Variants in DZIP3 observed in about 807,000 individuals in gnomAD.
The protein encoded by DZIP3 is E3 ubiquitin-protein ligase DZIP3.
Under a neutral mutation model 162.0 loss-of-function variants are expected in DZIP3, and 118 were observed. That is an observed-to-expected ratio of 0.73 (90% CI 0.63 to 0.85). The LOEUF (loss-of-function observed/expected upper bound fraction) is 0.85, where lower values mean the gene tolerates loss of function less well. Among genes scored for constraint, DZIP3 ranks in the 40% least tolerant of loss-of-function variants. The pLI is 0.00. For synonymous variants in DZIP3, 438 were observed against 458.6 expected, an observed-to-expected ratio of 0.96 and a Z score of 0.57; for missense variants, 1,331 against 1,407.0, an observed-to-expected ratio of 0.95 and a Z score of 0.86.
chr3:108,661,958 C>T lies in DZIP3; in HGVS notation c.2281C>T (p.His761Tyr), dbSNP rs766591512. The T allele has an allele frequency of 6.2e-7, 1 of 1,613,728 alleles. No individual in the cohort carries two copies. Among genetic ancestry groups the T allele is most frequent in the Admixed American group, 1.7e-5 (1 of 59,998 alleles). ...TCGTCAAAGGCAGCTTTATAAATTGCACTATCAGTGTGAAGTAAGTATTTT... is the reference window on the plus strand; with the variant it reads ...TCGTCAAAGGCAGCTTTATAAATTGTACTATCAGTGTGAAGTAAGTATTTT... Reference protein sequence around the residue: ...LARQRQLYKLHYQCEDFKRQL... With the variant: ...LARQRQLYKLYYQCEDFKRQL... The change falls in exon 20 of 33, where the codon CAC (histidine) becomes TAC (tyrosine). Residue 761 changes from histidine (H) to tyrosine (Y), a missense_variant. Physicochemically the swap from His to Tyr is moderately conservative, Grantham distance 83 (BLOSUM62 2). Transcript: ENST00000361582.
In DZIP3 at chr3:108,640,001, G is replaced by C. The variant is rs573851782; in HGVS notation, c.1065-2437G>C. Reference sequence around the variant, plus strand: ...TGTATTTTAAATGTTTTCTAGTTTTGTGTGTGTGTGTATGTTTTAACCATG... The same window carrying C: ...TGTATTTTAAATGTTTTCTAGTTTTCTGTGTGTGTGTATGTTTTAACCATG... On this transcript the variant is annotated intron_variant, in intron 12 of 32. Coordinates refer to ENST00000361582, the MANE Select transcript of DZIP3 (RefSeq NM_014648.4). Among the ~76,000 whole-genome samples the C allele has an allele frequency of 9.9e-5, 15 of 151,762 alleles. No homozygotes were observed. The East Asian group carries it at 1.7e-3, about 18-fold the overall frequency.
intron 16 of DZIP3, 153 bp downstream of exon 16, chr3:108,648,265 G>C: frequency 1.6e-6 from 1 of 619,568 alleles, no homozygotes; most frequent in Non-Finnish European, 2.5e-6. Flanking sequence ...TTCCTTCCTT[G>C]CCTCAGTACT....
intron 19 of DZIP3, among the ~76,000 whole-genome samples, chr3:108,659,834 T>C (rs1457752306): frequency 6.6e-6 from 1 of 152,156 alleles, no homozygotes; most frequent in Non-Finnish European, 1.5e-5. Context: ...AGCATTCTTA[T>C]ACACCAATAA....
chr3:108,638,425 C>T (rs1462291064), intron 12 of DZIP3, among the ~76,000 whole-genome samples: 3 of 152,150 alleles, frequency 2.0e-5, no homozygotes, highest in Non-Finnish European at 4.4e-5. Context: ...ACACCATTCT[C>T]CTGCCTCAAC....
intron 1 of DZIP3, among the ~76,000 whole-genome samples, chr3:108,591,855 G>A (rs78335963): frequency 0.017 from 2,662 of 152,122 alleles, 88 homozygotes; most frequent in African/African-American, 0.061. Flanking sequence ...AATTAGCCGG[G>A]CATGGGTGTG....
intron 26 of DZIP3, among the ~76,000 whole-genome samples, chr3:108,680,727 T>G (rs1161866051): frequency 3.3e-5 from 5 of 151,888 alleles, no homozygotes; most frequent in African/African-American, 1.2e-4. Flanking sequence ...CTCTCTTTAG[T>G]TAGAATAGCT....
intron 1 of DZIP3, chr3:108,590,094 T>C (rs1306607159): frequency 6.6e-6 from 1 of 152,186 alleles, no homozygotes; most frequent in Non-Finnish European, 1.5e-5. Context: ...AGCGTCAGTT[T>C]TTGTAAGTGA....
At position 108,644,515 on chromosome 3, in the gene DZIP3, A is replaced by C; in HGVS notation, c.1493A>C (p.Lys498Thr). Residue 498 changes from lysine to threonine, a missense_variant, in exon 14 of 33, where the codon AAA becomes ACA. This residue lies in a region of DZIP3 where 1,278 missense variants were observed against 1,317.1 expected (regional missense o/e 0.97). Transcript: ENST00000361582. Reference sequence around the variant, plus strand: ...GAACCGCCATCTTCTGACATCTCTAAATCTGCAGACATCCTGAGACTGTGC... The same window carrying C: ...GAACCGCCATCTTCTGACATCTCTACATCTGCAGACATCCTGAGACTGTGC... ...NMEPPSSDIS[K>T]SADILRLCKY... 4 of 1,614,100 alleles carry C rather than the reference A, an allele frequency of 2.5e-6. No individual in the cohort carries two copies. Among genetic ancestry groups the C allele is most frequent in the Non-Finnish European group, 3.4e-6 (4 of 1,179,986 alleles).
At chr3:108,611,130 G>A in intron 3 of DZIP3, 44 bp from the exon 4 acceptor site, 1 of 1,514,372 alleles carries the variant, frequency 6.6e-7, no homozygotes. Flanking sequence ...GAGTGAATGA[G>A]AATATGCAAA....
chr3:108,612,963 T>TA (rs1423294499), intron 4 of DZIP3, among the ~76,000 whole-genome samples: 1 of 152,136 alleles, frequency 6.6e-6, no homozygotes, highest in East Asian at 1.9e-4. Flanking sequence ...CTAAACCACT[T>TA]ACATGAGAAT....
intron 10 of DZIP3, 66 bp downstream of exon 10, chr3:108,635,038 T>C: frequency 1.0e-6 from 1 of 980,116 alleles, no homozygotes; most frequent in Non-Finnish European, 1.5e-6. Context: ...TTTGTTCTCT[T>C]CCCCATCGTT....
chr3:108,648,058 TG>T lies in DZIP3; in HGVS notation c.1911del (p.Thr638ProfsTer45). On this transcript the variant is annotated frameshift_variant, in exon 16 of 33. Transcript: ENST00000361582. LOFTEE classifies it high-confidence loss of function. ...TACAGTTTGCAGAAATTAATAAAGA[TG>T]GGACCTCAATACCCAGTGAATCTTC... ...EIQFAEINKD[G>X]TSIPSESSTE... 6.2e-7 allele frequency: 1 copy of T among 1,612,246 alleles called. No homozygotes were observed. Among genetic ancestry groups the T allele is most frequent in the Non-Finnish European group, 8.5e-7 (1 of 1,179,188 alleles).
intron 3 of DZIP3, among the ~76,000 whole-genome samples, chr3:108,608,513 A>G (rs1940511806): frequency 6.6e-6 from 1 of 152,136 alleles, no homozygotes; most frequent in Admixed American, 6.6e-5. Context: ...GAAAACACAC[A>G]TACACACATA....
chr3:108,681,045 G>A (rs1045686882), intron 26 of DZIP3, among the ~76,000 whole-genome samples: 5 of 152,286 alleles, frequency 3.3e-5, no homozygotes, highest in African/African-American at 1.2e-4. Context: ...CATGGGCAAA[G>A]ACTTCATGAC....
intron 32 of DZIP3, among the ~76,000 whole-genome samples, chr3:108,691,819 A>G (rs1944708427): frequency 6.6e-6 from 1 of 152,154 alleles, no homozygotes; most frequent in African/African-American, 2.4e-5. Flanking sequence ...ATACCTGCAT[A>G]AGTATTATCA....
At position 108,647,935 on chromosome 3, in the gene DZIP3, A is replaced by T. The variant is rs780783247; in HGVS notation, c.1793-8A>T. The T allele has an allele frequency of 6.6e-7, 1 of 1,507,666 alleles. No homozygotes were observed. Among genetic ancestry groups the T allele is most frequent in the Middle Eastern group, 2.0e-4 (1 of 5,036 alleles). 93.4% of individuals were successfully genotyped at this position (1,507,666 alleles called of 1,614,324 possible). On this transcript the variant is annotated splice_region_variant and splice_polypyrimidine_tract_variant and intron_variant, in intron 15 of 32. Coordinates refer to ENST00000361582, the MANE Select transcript of DZIP3 (RefSeq NM_014648.4). ...CTAGATTTTGAGAATTTTGTCTTTTATGTTTAGGTATTGAAATAGAAGAGT... is the reference window on the plus strand; with the variant it reads ...CTAGATTTTGAGAATTTTGTCTTTTTTGTTTAGGTATTGAAATAGAAGAGT...
At chr3:108,623,988 G>A (rs556745672) in intron 5 of DZIP3, among the ~76,000 whole-genome samples, 1 of 152,218 alleles carries the variant, frequency 6.6e-6, no homozygotes, top group Non-Finnish European at 1.5e-5. Flanking sequence ...GTAGTCAGGG[G>A]ATGGAGGAAG....
At chr3:108,635,513 T>A (rs1215165760) in intron 10 of DZIP3, 2 of 152,806 alleles carry the variant, frequency 1.3e-5, no homozygotes, top group Non-Finnish European at 2.8e-5. Flanking sequence ...AACATATGGT[T>A]ATACATTATA....
intron 23 of DZIP3, 46 bp from the exon 24 acceptor site, chr3:108,674,032 A>T: frequency 7.1e-7 from 1 of 1,399,046 alleles, no homozygotes; most frequent in Non-Finnish European, 1.0e-6. Flanking sequence ...ATGTTCCTTT[A>T]CAAGCACACC....
Sources: gnomAD v4.1 joint callset for allele counts (sites outside exome capture counted in the v4.1 genomes callset) on GRCh38, gnomAD v4.1.1 for gene constraint, gnomAD v4.1.1 regional missense constraint, MANE v1.5 for transcripts, NCBI Gene and HGNC (gene_info 2026-07-23, HGNC 2026-07-21) for gene names.